Variants in LHX8 observed in about 807,000 individuals in gnomAD.
LHX8 encodes LIM/homeobox protein Lhx8.
Under a neutral mutation model 40.3 loss-of-function variants are expected in LHX8, and 12 were observed. The observed-to-expected ratio is 0.30, with a 90% CI of 0.19 to 0.48. LHX8 has a LOEUF of 0.48. LHX8 is among the 20% of genes least tolerant of loss of function. LHX8 has a pLI of 0.99. For missense variants in LHX8, 344 were observed against 433.7 expected (o/e 0.79, Z 1.84); for synonymous variants, 179 against 162.0 (o/e 1.10, Z -0.80).
intron 6 of LHX8, among the ~76,000 whole-genome samples, chr1:75,145,438 A>G (rs1648435462): frequency 6.6e-6 from 1 of 152,168 alleles, no homozygotes; most frequent in African/African-American, 2.4e-5. Context: ...AAAATTTGAA[A>G]CCACTGTAGA....
At position 75,157,086 on chromosome 1, in the gene LHX8, C is replaced by T; in HGVS notation, c.964+10C>T. The T allele has an allele frequency of 6.2e-7, 1 of 1,613,784 alleles. No homozygotes were observed. The highest frequency in any genetic ancestry group is 2.2e-5 in the East Asian group (1 of 44,880). ...CATAGTTATATGGATGGTAGGTATC[C>T]CAACATTTAACAGCTGTCTCCCAGG... On this transcript the variant is annotated intron_variant, in intron 8 of 8. Coordinates refer to ENST00000356261, the MANE Select transcript of LHX8 (RefSeq NM_001256114.2).
At chr1:75,176,661 G>T in the LHX8 span, among the ~76,000 whole-genome samples, 1 of 152,190 alleles carries the variant, frequency 6.6e-6, no homozygotes, top group African/African-American at 2.4e-5. Flanking sequence ...TTGCTGTGCA[G>T]ATGCTCTTTA....
the LHX8 span, among the ~76,000 whole-genome samples, chr1:75,187,890 A>G: frequency 6.6e-6 from 1 of 152,194 alleles, no homozygotes; most frequent in African/African-American, 2.4e-5. Flanking sequence ...CAAGGAAACT[A>G]CAGACAGGAG....
At chr1:75,174,784 G>T in the LHX8 span, among the ~76,000 whole-genome samples, 2 of 151,572 alleles carry the variant, frequency 1.3e-5, no homozygotes, top group African/African-American at 2.4e-5. Flanking sequence ...CACAATTCCT[G>T]GTTTTCTTTT....
At chr1:75,191,545 T>G in the LHX8 span, among the ~76,000 whole-genome samples, 1 of 152,184 alleles carries the variant, frequency 6.6e-6, no homozygotes, top group Non-Finnish European at 1.5e-5. Context: ...CCAGTGTCCT[T>G]GATCCTGGTC....
downstream of LHX8, among the ~76,000 whole-genome samples, chr1:75,163,883 T>C (rs1648979643): frequency 6.6e-6 from 1 of 152,196 alleles, no homozygotes; most frequent in Non-Finnish European, 1.5e-5. Flanking sequence ...AAAAGAGACC[T>C]AAGGGGCTTG....
downstream of LHX8, among the ~76,000 whole-genome samples, chr1:75,165,325 C>T (rs887313899): frequency 6.6e-6 from 1 of 152,112 alleles, no homozygotes; most frequent in South Asian, 2.1e-4. Flanking sequence ...AAGAATTCTC[C>T]AGGGCACCAG....
At chr1:75,129,631 G>A (rs1393639347), upstream of LHX8, among the ~76,000 whole-genome samples, 1 of 152,162 alleles carries the variant, frequency 6.6e-6, no homozygotes, top group African/African-American at 2.4e-5. Flanking sequence ...GGCTCACACA[G>A]CCCCACTTCT....
chr1:75,176,713 T>C, the LHX8 span, among the ~76,000 whole-genome samples: 45 of 152,340 alleles, frequency 3.0e-4, no homozygotes, highest in Non-Finnish European at 5.6e-4. Context: ...TTTGTTGCCA[T>C]TGCTTTTGGT....
the LHX8 span, among the ~76,000 whole-genome samples, chr1:75,181,278 T>C: frequency 6.6e-6 from 1 of 152,170 alleles, no homozygotes; most frequent in Non-Finnish European, 1.5e-5. Flanking sequence ...TCTGTAGAAG[T>C]TTCTGCTACT....
At chr1:75,177,710 T>C in the LHX8 span, among the ~76,000 whole-genome samples, 1 of 152,192 alleles carries the variant, frequency 6.6e-6, no homozygotes, top group Non-Finnish European at 1.5e-5. Flanking sequence ...TCTAACGCTA[T>C]GTTGAATAGG....
chr1:75,150,992 A>T (rs1016028796), intron 7 of LHX8, among the ~76,000 whole-genome samples: 1 of 152,152 alleles, frequency 6.6e-6, no homozygotes, highest in African/African-American at 2.4e-5. Flanking sequence ...AATTTTAAAT[A>T]ACACCGGAAG....
At chr1:75,171,814 G>T in the LHX8 span, among the ~76,000 whole-genome samples, 95 of 152,216 alleles carry the variant, frequency 6.2e-4, 1 homozygote, top group Middle Eastern at 3.4e-3. Context: ...TGATAAACAG[G>T]GTAACAATGG....
chr1:75,162,584 A>G (rs1434134393), downstream of LHX8, among the ~76,000 whole-genome samples: 1 of 660 alleles, frequency 1.5e-3, no homozygotes, highest in African/African-American at 5.2e-3. Flanking sequence ...AGTTTTTACA[A>G]AAATATATCA....
At chr1:75,176,524 AT>A in the LHX8 span, among the ~76,000 whole-genome samples, 3 of 151,782 alleles carry the variant, frequency 2.0e-5, no homozygotes, top group East Asian at 1.9e-4. Context: ...GGGTCCTTTG[AT>A]TTTTTTCTTG....
intron 6 of LHX8, among the ~76,000 whole-genome samples, chr1:75,145,766 G>A (rs973583936): frequency 9.2e-5 from 14 of 152,124 alleles, no homozygotes. Context: ...ACAAAAGAGT[G>A]AGATTTTGAA....
chr1:75,194,421 T>C, the LHX8 span, among the ~76,000 whole-genome samples: 1 of 152,186 alleles, frequency 6.6e-6, no homozygotes, highest in African/African-American at 2.4e-5. Context: ...TGCAACATAA[T>C]TGTTATGTTC....
chr1:75,151,509 G>A (rs1053184207), intron 7 of LHX8, among the ~76,000 whole-genome samples: 2 of 152,190 alleles, frequency 1.3e-5, no homozygotes, highest in Non-Finnish European at 2.9e-5. Flanking sequence ...TCCAGAGTAG[G>A]TGTCTTTAAA....
At chr1:75,195,519 C>T in the LHX8 span, among the ~76,000 whole-genome samples, 6 of 152,144 alleles carry the variant, frequency 3.9e-5, no homozygotes, top group Non-Finnish European at 7.4e-5. Context: ...TCATTGTGTA[C>T]TCCACACCAA....
Sources: allele counts gnomAD v4.1 joint callset (sites outside exome capture counted in the v4.1 genomes callset), GRCh38; gene constraint gnomAD v4.1.1; transcripts MANE v1.5; gene names NCBI Gene and HGNC (gene_info 2026-07-23, HGNC 2026-07-21).